MYO1H: variants seen among roughly 807,000 people sequenced by gnomAD.
MYO1H encodes the protein unconventional myosin-Ih.
MYO1H carries 118 observed loss-of-function variants against 149.3 expected under a neutral mutation model. The observed-to-expected ratio is 0.79, with a 90% CI of 0.68 to 0.92. The LOEUF (loss-of-function observed/expected upper bound fraction) is 0.92. Ranked by LOEUF, MYO1H falls within the 40% of genes least tolerant of loss-of-function variation. The probability of loss-of-function intolerance (pLI) is 0.00; values close to 1 mark genes in which losing one functional copy is unlikely to be tolerated. For missense variants in MYO1H, 1,212 were observed against 1,280.7 expected, an observed-to-expected ratio of 0.95 and a Z score of 0.82; for synonymous variants, 447 against 465.2, an observed-to-expected ratio of 0.96 and a Z score of 0.50.
At position 109,403,928 on chromosome 12, in the gene MYO1H, G is replaced by A. The variant is rs1393911300; in HGVS notation, c.751-54G>A. The stretch of plus-strand genomic sequence containing the variant: ...TGCATCTTCAGAGAGGAATAGACAT[G>A]CTTAATTGCCCCTATAAAAATGACA... On this transcript the variant is annotated intron_variant, in intron 6 of 31. Coordinates refer to ENST00000310903, the Ensembl canonical transcript of MYO1H. 5.8e-6 allele frequency: 7 copies of A among 1,213,354 alleles called. No homozygotes were observed. In the Admixed American group the frequency reaches 9.2e-5, roughly 16 times the overall value. 75.2% of individuals were successfully genotyped at this position (1,213,354 alleles called of 1,614,324 possible).
the MYO1H span, among the ~76,000 whole-genome samples, chr12:109,321,092 G>A: frequency 6.6e-6 from 1 of 151,592 alleles, no homozygotes; most frequent in Non-Finnish European, 1.5e-5. Flanking sequence ...CATCTTAAAA[G>A]CCCTCAAAAA....
At chr12:109,396,973 AC>A (rs1869945202) in intron 4 of MYO1H, among the ~76,000 whole-genome samples, 1 of 151,630 alleles carries the variant, frequency 6.6e-6, no homozygotes, top group African/African-American at 2.4e-5. Flanking sequence ...CACTATAGGC[AC>A]GTACCATCAT....
the MYO1H span, among the ~76,000 whole-genome samples, chr12:109,312,926 G>A: frequency 6.6e-6 from 1 of 151,818 alleles, no homozygotes; most frequent in Non-Finnish European, 1.5e-5. Context: ...TAAAAGCTAG[G>A]TGATATTTTC....
chr12:109,329,555 TTTTG>T, the MYO1H span, among the ~76,000 whole-genome samples: 1 of 152,188 alleles, frequency 6.6e-6, no homozygotes. Flanking sequence ...TGAGCTAGCC[TTTTG>T]TTACTTCTTA....
At chr12:109,401,250 A>G in exon 6 of MYO1H, 2 of 1,612,876 alleles carry the variant, frequency 1.2e-6, no homozygotes, top group Non-Finnish European at 1.7e-6. Flanking sequence ...CGAGACCCCC[A>G]GCTGTATAAA....
chr12:109,426,077 G>C (rs149821598), intron 18 of MYO1H, 26 bp downstream of exon 18: 3 of 1,568,446 alleles, frequency 1.9e-6, no homozygotes, highest in South Asian at 2.2e-5. Flanking sequence ...TTATGAACTG[G>C]GCTCAGGGAA....
intron 23 of MYO1H, 33 bp downstream of exon 23, chr12:109,438,653 C>G (rs749182145): frequency 6.6e-7 from 1 of 1,504,988 alleles, no homozygotes; most frequent in East Asian, 2.3e-5. Context: ...GAGGACAGGT[C>G]ACTAAATGCT....
chr12:109,347,420 G>A (rs905690020), upstream of MYO1H, among the ~76,000 whole-genome samples: 1 of 152,018 alleles, frequency 6.6e-6, no homozygotes, highest in African/African-American at 2.4e-5. Flanking sequence ...TAAAATGAAA[G>A]TAAAGTCCTG....
At chr12:109,425,868 G>T in intron 17 of MYO1H, 78 bp from the exon 18 acceptor site, 1 of 1,044,014 alleles carries the variant, frequency 9.6e-7, no homozygotes, top group Non-Finnish European at 1.5e-6. Context: ...CTTGAGCCCT[G>T]GCCAGTCTTT....
At chr12:109,348,224 T>C (rs1868377023) in intron 1 of MYO1H, among the ~76,000 whole-genome samples, 2 of 152,242 alleles carry the variant, frequency 1.3e-5, no homozygotes, top group Non-Finnish European at 2.9e-5. Flanking sequence ...CATTTCACAT[T>C]GGTCTAGAAC....
intron 1 of MYO1H, among the ~76,000 whole-genome samples, chr12:109,376,301 A>G (rs1869086809): frequency 6.6e-6 from 1 of 152,186 alleles, no homozygotes; most frequent in Non-Finnish European, 1.5e-5. Context: ...CCATGTCTAT[A>G]TATTTCACTG....
the MYO1H span, among the ~76,000 whole-genome samples, chr12:109,313,783 T>A: frequency 2.0e-4 from 30 of 152,334 alleles, no homozygotes; most frequent in South Asian, 1.0e-3. Context: ...ATTTTTTTTT[T>A]AATTCTTTTC....
At position 109,425,928 on chromosome 12, in the gene MYO1H, TTCTCTCTC is replaced by T. The variant is rs774551928; in HGVS notation, c.1726-12_1726-5del. On this transcript the variant is annotated splice_polypyrimidine_tract_variant and intron_variant, in intron 17 of 31. Transcript: ENST00000310903. ...TCTCTCTGGCTCGTTCTCTCTCTCT[TTCTCTCTC>T]TCTCTGCAGGTGGGGACTCAGTTTA... is the stretch of plus-strand genomic sequence containing the variant. 1 of 1,404,264 alleles carries T rather than the reference TTCTCTCTC, an allele frequency of 7.1e-7. No individual in the cohort carries two copies. The highest frequency in any genetic ancestry group is 1.2e-5 in the South Asian group (1 of 81,664). 87.0% of individuals were successfully genotyped at this position (1,404,264 alleles called of 1,614,324 possible). A position where few individuals can be genotyped will look rare whatever the true frequency, so the allele number is the denominator to read the frequency against.
chr12:109,409,406 G>A (rs1414111879), intron 10 of MYO1H, 151 bp from the exon 11 acceptor site: 11 of 730,324 alleles, frequency 1.5e-5, no homozygotes, highest in African/African-American at 7.0e-5. Flanking sequence ...GCAGGCTGGG[G>A]AAATTACTTC....
intron 15 of MYO1H, among the ~76,000 whole-genome samples, chr12:109,419,083 CT>C (rs1031814789): frequency 2.6e-5 from 4 of 152,250 alleles, no homozygotes; most frequent in Admixed American, 2.6e-4. Flanking sequence ...ACTCAAATGC[CT>C]TTTACTCTCA....
upstream of MYO1H, among the ~76,000 whole-genome samples, chr12:109,344,128 G>T (rs2048095137): frequency 6.6e-6 from 1 of 152,100 alleles, no homozygotes; most frequent in Non-Finnish European, 1.5e-5. Context: ...TTATATTGGT[G>T]TTAGGGGTTA....
chr12:109,361,046 T>A (rs182941365), intron 1 of MYO1H, among the ~76,000 whole-genome samples: 32 of 152,328 alleles, frequency 2.1e-4, no homozygotes, highest in Non-Finnish European at 8.8e-5. Context: ...CTTCCCCACC[T>A]GTAATTTTAT....
chr12:109,397,629 C>A (rs932208915), intron 4 of MYO1H, 103 bp from the exon 5 acceptor site: 3 of 827,788 alleles, frequency 3.6e-6, no homozygotes, highest in African/African-American at 3.5e-5. Context: ...TGGCTCCTTC[C>A]GCTCTCTCTC....
At chr12:109,409,721 C>A in intron 11 of MYO1H, 97 bp downstream of exon 11, 1 of 1,059,752 alleles carries the variant, frequency 9.4e-7, no homozygotes, top group South Asian at 1.3e-5. Context: ...ATTGATTTCC[C>A]TGTCCCCAGA....
Sources: allele counts gnomAD v4.1 joint callset (sites outside exome capture counted in the v4.1 genomes callset), GRCh38; gene constraint gnomAD v4.1.1; transcripts MANE v1.5; gene names NCBI Gene and HGNC (gene_info 2026-07-23, HGNC 2026-07-21).